CAPN11: variants seen among roughly 807,000 people sequenced by gnomAD.
CAPN11 encodes calpain-11.
In CAPN11, 108 loss-of-function variants were observed where a neutral mutation model predicts 105.3. The observed-to-expected ratio is 1.03, with a 90% CI of 0.88 to 1.20. The LOEUF is 1.20. Ranked by LOEUF, CAPN11 falls within the 50% of genes most tolerant of loss-of-function variation. The pLI is 0.00. For missense variants in CAPN11, 883 were observed against 924.8 expected, an observed-to-expected ratio of 0.95 and a Z score of 0.59; for synonymous variants, 329 against 344.5, an observed-to-expected ratio of 0.96 and a Z score of 0.50.
At chr6:44,182,216 C>A (rs1773801855) in intron 19 of CAPN11, among the ~76,000 whole-genome samples, 1 of 136,316 alleles carries the variant, frequency 7.3e-6, no homozygotes, top group Non-Finnish European at 1.6e-5. Flanking sequence ...CACACTCACA[C>A]ACACACATAC....
rs140472397 is a variant in CAPN11, at chr6:44,182,714, C to T, written c.1939-227C>T. On this transcript the variant is annotated intron_variant, in intron 19 of 22. Coordinates refer to ENST00000398776, the MANE Select transcript of CAPN11 (RefSeq NM_007058.4). The stretch of plus-strand genomic sequence containing the variant: ...TCAGCCTCCTGACTAGCTGGGATTA[C>T]AGGCATGCACCACCACACCCAGCTA... 7.9e-5 allele frequency among the ~76,000 whole-genome samples: 12 copies of T among 152,286 alleles called. No individual in the cohort carries two copies. In the East Asian group the frequency reaches 2.3e-3, roughly 29 times the overall value.
intron 4 of CAPN11, among the ~76,000 whole-genome samples, chr6:44,171,047 G>C (rs1027102806): frequency 6.6e-6 from 1 of 152,196 alleles, no homozygotes; most frequent in African/African-American, 2.4e-5. Context: ...GGCTCAGTAG[G>C]CTGGAGGGAC....
At chr6:44,181,183 C>A in intron 18 of CAPN11, 69 bp from the exon 19 acceptor site, 1 of 1,443,080 alleles carries the variant, frequency 6.9e-7, no homozygotes, top group South Asian at 1.1e-5. Flanking sequence ...CCTCAGGAAC[C>A]CCCGCTGCTT....
chr6:44,170,062 G>A (rs1770702848), intron 4 of CAPN11, 87 bp downstream of exon 4: 11 of 991,940 alleles, frequency 1.1e-5, no homozygotes, highest in African/African-American at 1.6e-5. Context: ...TGGGAAACAG[G>A]GAGCCCTGAG....
chr6:44,177,502 T>C, intron 12 of CAPN11, 82 bp downstream of exon 12: 1 of 1,328,910 alleles, frequency 7.5e-7, no homozygotes, highest in South Asian at 1.4e-5. Flanking sequence ...CTTTTTTTTT[T>C]TTCGAGACAG....
At chr6:44,183,401 C>G (rs1194147020) in intron 21 of CAPN11, 166 bp downstream of exon 21, 1 of 621,378 alleles carries the variant, frequency 1.6e-6, no homozygotes, top group Admixed American at 2.8e-5. Context: ...GTGACTTGAG[C>G]AAGTCACTTA....
At position 44,169,364 on chromosome 6, in the gene CAPN11, G is replaced by A. The variant is rs774980595; in HGVS notation, c.172G>A (p.Ala58Thr). Residue 58 changes from alanine to threonine, a missense_variant, in exon 3 of 23, where the codon GCC (alanine) becomes ACC (threonine). Coordinates refer to ENST00000398776, the MANE Select transcript of CAPN11 (RefSeq NM_007058.4). ...CAAGGGCGTGGGCCAGCACGACAAC[G>A]CCCAGAACTTTGGTAACCAGAGCTT... is the stretch of plus-strand genomic sequence containing the variant. ...KAKGVGQHDN[A>T]QNFGNQSFEE... 6 of 1,613,840 alleles carry A rather than the reference G, an allele frequency of 3.7e-6. No individual in the cohort carries two copies. Among genetic ancestry groups the A allele is most frequent in the Admixed American group, 1.7e-5 (1 of 60,002 alleles).
At chr6:44,169,617 A>C in intron 3 of CAPN11, 86 bp downstream of exon 3, 1 of 1,338,094 alleles carries the variant, frequency 7.5e-7, no homozygotes, top group East Asian at 2.5e-5. Flanking sequence ...TTCAATCTTC[A>C]ACCCCCCACT....
chr6:44,171,107 G>C (rs1770918520), intron 4 of CAPN11, among the ~76,000 whole-genome samples: 1 of 152,162 alleles, frequency 6.6e-6, no homozygotes, highest in African/African-American at 2.4e-5. Context: ...TAACAGTGAG[G>C]GGGATTGGAG....
At chr6:44,176,435 A>G in intron 9 of CAPN11, 97 bp downstream of exon 9, 1 of 1,309,056 alleles carries the variant, frequency 7.6e-7, no homozygotes, top group Non-Finnish European at 1.1e-6. Flanking sequence ...CAACCTGTAC[A>G]ACAGGGCAAA....
At chr6:44,163,318 C>A (rs926140699) in intron 1 of CAPN11, among the ~76,000 whole-genome samples, 12 of 152,184 alleles carry the variant, frequency 7.9e-5, no homozygotes, top group African/African-American at 2.9e-4. Flanking sequence ...ATCCTCAACA[C>A]CCCCTGTCAG....
intron 1 of CAPN11, among the ~76,000 whole-genome samples, chr6:44,165,349 C>T (rs1769619055): frequency 6.6e-6 from 1 of 152,186 alleles, no homozygotes; most frequent in Non-Finnish European, 1.5e-5. Flanking sequence ...CAAATGCAAA[C>T]ACTTTAGAAT....
rs746703094 is a variant in CAPN11, at chr6:44,177,335, G to C, written c.1331G>C (p.Cys444Ser). 6.2e-7 allele frequency: 1 copy of C among 1,614,008 alleles called. No individual in the cohort carries two copies. The highest frequency in any genetic ancestry group is 2.2e-5 in the East Asian group (1 of 44,884). ...GAGGGCAATGTTGTGGTCTGCACCT[G>C]CCTGGTGGCCCTAATGCAGAAGAAC... ...DAEGNVVVCT[C>S]LVALMQKNWR... The change falls in exon 12 of 23, where the codon TGC (cysteine) becomes TCC (serine). Residue 444 changes from cysteine (C) to serine (S), a missense_variant. Transcript: ENST00000398776.
chr6:44,178,816 G>A (rs948540541), intron 12 of CAPN11, among the ~76,000 whole-genome samples: 3 of 150,120 alleles, frequency 2.0e-5, no homozygotes, highest in Non-Finnish European at 2.9e-5. Context: ...CCAGCTACTC[G>A]AGAAGCTGAG....
intron 13 of CAPN11, 27 bp from the exon 14 acceptor site, chr6:44,179,925 C>A: frequency 6.4e-7 from 1 of 1,563,384 alleles, no homozygotes; most frequent in Non-Finnish European, 8.8e-7. Flanking sequence ...CATGCCAGTC[C>A]TGTACCCACT....
intron 4 of CAPN11, among the ~76,000 whole-genome samples, chr6:44,170,895 C>T (rs748949381): frequency 6.6e-6 from 1 of 152,140 alleles, no homozygotes; most frequent in African/African-American, 2.4e-5. Flanking sequence ...CCAGATCCCT[C>T]GCTGCCTCTT....
intron 2 of CAPN11, among the ~76,000 whole-genome samples, chr6:44,167,908 T>G (rs1159104307): frequency 9.3e-6 from 1 of 107,862 alleles, no homozygotes; most frequent in Non-Finnish European, 1.9e-5. Context: ...AGAGTGAGAC[T>G]CTGTTTTGAA....
At chr6:44,172,259 AT>A in intron 4 of CAPN11, 42 bp from the exon 5 acceptor site, 1 of 1,350,298 alleles carries the variant, frequency 7.4e-7, no homozygotes, top group Non-Finnish European at 1.0e-6. Flanking sequence ...ACCCACACAT[AT>A]GGGGTTGCTC....
At chr6:44,167,221 G>A (rs1010795001) in intron 2 of CAPN11, among the ~76,000 whole-genome samples, 21 of 152,204 alleles carry the variant, frequency 1.4e-4, no homozygotes, top group African/African-American at 3.6e-4. Flanking sequence ...CATCTAGGCC[G>A]GGCGTGGTGG....
Sources: allele counts gnomAD v4.1 joint callset (sites outside exome capture counted in the v4.1 genomes callset), GRCh38; gene constraint gnomAD v4.1.1; transcripts MANE v1.5; gene names NCBI Gene and HGNC (gene_info 2026-07-23, HGNC 2026-07-21).